Variants in PPTC7 observed in about 807,000 individuals in gnomAD.
The protein encoded by PPTC7 is protein phosphatase targeting COQ7.
A neutral mutation model predicts 30.8 loss-of-function variants in PPTC7; 6 were observed. That is an observed-to-expected ratio of 0.19 (90% CI 0.11 to 0.38). The LOEUF is 0.38. PPTC7 is among the 10% of genes least tolerant of loss of function. PPTC7 has a pLI of 1.00. For synonymous variants in PPTC7, 163 were observed against 168.1 expected (o/e 0.97, Z 0.23); for missense variants, 218 against 404.8 (o/e 0.54, Z 3.96).
intron 1 of PPTC7, among the ~76,000 whole-genome samples, chr12:110,575,698 C>CA (rs1230307187): frequency 7.3e-6 from 1 of 136,324 alleles, no homozygotes; most frequent in Non-Finnish European, 1.6e-5. Flanking sequence ...CCTTAATAAA[C>CA]AGTTATGCTT....
In PPTC7 at chr12:110,541,112, T is replaced by C. The variant is rs530250637; in HGVS notation, c.603-1167A>G. 1.1e-4 allele frequency among the ~76,000 whole-genome samples: 16 copies of C among 149,638 alleles called. No homozygotes were observed. In the South Asian group the frequency reaches 3.6e-3, roughly 34 times the overall value. ...AGAATTCATTCACTGCTGGGTGTGGTGGCTCACGCCTGTAATCCCAGCACT... is the reference window on the plus strand; with the variant it reads ...AGAATTCATTCACTGCTGGGTGTGGCGGCTCACGCCTGTAATCCCAGCACT... On this transcript the variant is annotated intron_variant, in intron 3 of 5. Transcript: ENST00000354300.
chr12:110,542,812 G>GA lies in PPTC7; in HGVS notation c.603-2868dup, dbSNP rs559154122. ...CTAAACTTTTTTGTGTACAACTCTT[G>GA]AAAAAAAAAACAGATGGAAGATCTT... On this transcript the variant is annotated intron_variant, in intron 3 of 5. Coordinates refer to ENST00000354300, the MANE Select transcript of PPTC7 (RefSeq NM_139283.2). Among the ~76,000 whole-genome samples the GA allele has an allele frequency of 2.6e-3, 386 of 145,898 alleles. 3 individuals carry two copies. Among genetic ancestry groups the GA allele is most frequent in the Admixed American group, 0.011 (162 of 14,580 alleles).
intron 1 of PPTC7, among the ~76,000 whole-genome samples, chr12:110,580,030 CAA>C (rs879309557): frequency 6.6e-5 from 9 of 135,852 alleles, no homozygotes; most frequent in Admixed American, 7.4e-5. Flanking sequence ...CCCCACCCAC[CAA>C]AAAAAAAAAA....
At chr12:110,570,072 G>A (rs1007440745) in intron 1 of PPTC7, among the ~76,000 whole-genome samples, 2 of 152,098 alleles carry the variant, frequency 1.3e-5, no homozygotes, top group African/African-American at 4.8e-5. Context: ...GATTGTTACT[G>A]TGTCTGTGTA....
At chr12:110,577,226 A>C (rs1325322267) in intron 1 of PPTC7, among the ~76,000 whole-genome samples, 10 of 151,424 alleles carry the variant, frequency 6.6e-5, no homozygotes, top group Admixed American at 2.6e-4. Context: ...CAGGTAGATG[A>C]TGCTGGAATC....
At chr12:110,540,064 A>G in intron 3 of PPTC7, 119 bp from the exon 4 acceptor site, 1 of 816,674 alleles carries the variant, frequency 1.2e-6, no homozygotes, top group Non-Finnish European at 1.7e-6. Flanking sequence ...CTGATTTATC[A>G]TAATGGAGTC....
chr12:110,549,526 GA>G (rs1593149234), intron 2 of PPTC7, among the ~76,000 whole-genome samples: 2 of 150,516 alleles, frequency 1.3e-5, no homozygotes, highest in African/African-American at 2.5e-5. Context: ...TAGATTTTGT[GA>G]AAAAAAGGTG....
chr12:110,552,177 T>C (rs2064353955), intron 1 of PPTC7, among the ~76,000 whole-genome samples: 1 of 152,214 alleles, frequency 6.6e-6, no homozygotes, highest in Admixed American at 6.5e-5. Flanking sequence ...CTTTCATATA[T>C]TGATGAATAA....
At chr12:110,581,137 C>A (rs2064633818) in intron 1 of PPTC7, among the ~76,000 whole-genome samples, 1 of 152,102 alleles carries the variant, frequency 6.6e-6, no homozygotes, top group Non-Finnish European at 1.5e-5. Flanking sequence ...AACACAGGGG[C>A]CAGGCTCACA....
chr12:110,564,788 G>A (rs1045681664), intron 1 of PPTC7, among the ~76,000 whole-genome samples: 3 of 136,230 alleles, frequency 2.2e-5, no homozygotes, highest in African/African-American at 6.0e-5. Context: ...ATACATACAC[G>A]TTATATATAT....
Position 110,582,795 on chromosome 12 carries a change from G to C in PPTC7, c.223+14C>G. On this transcript the variant is annotated intron_variant, in intron 1 of 5. Transcript: ENST00000354300. ...ATCCGAGGCTGGGGCAAGGGAACCG[G>C]GTCGGGGACTCACCGAGCACGTCCG... 1 of 1,548,760 alleles carries C rather than the reference G, an allele frequency of 6.5e-7. No homozygotes were observed. The highest frequency in any genetic ancestry group is 8.7e-7 in the Non-Finnish European group (1 of 1,146,568).
intron 2 of PPTC7, among the ~76,000 whole-genome samples, chr12:110,548,406 G>A (rs745469437): frequency 1.3e-5 from 2 of 152,060 alleles, no homozygotes; most frequent in South Asian, 2.1e-4. Context: ...CAGTATATGC[G>A]TTAGTACTAA....
Position 110,582,876 on chromosome 12 carries a change from G to T in PPTC7, c.156C>A (p.Leu52=). 1.3e-6 allele frequency: 2 copies of T among 1,557,386 alleles called. No homozygotes were observed. Among genetic ancestry groups the T allele is most frequent in the Non-Finnish European group, 1.7e-6 (2 of 1,150,668 alleles). Residue 52 remains leucine (L), a synonymous_variant, in exon 1 of 6, where the codon CTC becomes CTA. Coordinates refer to ENST00000354300, the MANE Select transcript of PPTC7 (RefSeq NM_139283.2). ...CGTCCCCGTAGCACGCGCCCTTCTT[G>T]AGGAGGCCCTTACGGAAGTCCTTCC... ...GFGKDFRKGL[L]KKGACYGDDA... is the part of the protein sequence containing the mutation.
intron 1 of PPTC7, among the ~76,000 whole-genome samples, chr12:110,558,992 G>C (rs571976012): frequency 8.2e-4 from 125 of 152,136 alleles, no homozygotes; most frequent in African/African-American, 3.0e-3. Flanking sequence ...TTTTTACAAA[G>C]TATTTTATTA....
At chr12:110,539,408 T>C (rs1188909750) in intron 4 of PPTC7, among the ~76,000 whole-genome samples, 1 of 152,174 alleles carries the variant, frequency 6.6e-6, no homozygotes, top group Non-Finnish European at 1.5e-5. Flanking sequence ...ACCCATACTA[T>C]TTGGTTACTG....
intron 3 of PPTC7, among the ~76,000 whole-genome samples, chr12:110,544,263 C>T (rs868246256): frequency 5.9e-5 from 9 of 152,168 alleles, no homozygotes; most frequent in African/African-American, 1.9e-4. Context: ...ATAACATGCT[C>T]GTTCCAGTTT....
chr12:110,542,878 G>A (rs2064273025), intron 3 of PPTC7, among the ~76,000 whole-genome samples: 1 of 151,950 alleles, frequency 6.6e-6, no homozygotes, highest in Admixed American at 6.6e-5. Flanking sequence ...ATAAAAATGG[G>A]GGAAAACCCC....
At chr12:110,575,143 A>T (rs562108965) in intron 1 of PPTC7, among the ~76,000 whole-genome samples, 1 of 152,038 alleles carries the variant, frequency 6.6e-6, no homozygotes, top group Admixed American at 6.6e-5. Flanking sequence ...AGACTCATAA[A>T]TTTTATTACT....
Position 110,534,196 on chromosome 12 carries a change from C to T in PPTC7, c.*2841G>A, listed in dbSNP as rs1053551825. On this transcript the variant is annotated 3_prime_UTR_variant, in exon 6 of 6. Transcript: ENST00000354300. ...AAGGTTCTGATATGTTTAGAGTGCACATTTTAAAACAACAAAATAAAAATT... is the reference window on the plus strand; with the variant it reads ...AAGGTTCTGATATGTTTAGAGTGCATATTTTAAAACAACAAAATAAAAATT... 2.6e-5 allele frequency: 4 copies of T among 151,366 alleles called. No homozygotes were observed. The highest frequency in any genetic ancestry group is 2.9e-5 in the Non-Finnish European group (2 of 67,900). The allele number at this position is 151,366 out of a possible 1,614,324, so 9.4% of individuals were successfully genotyped here. A position where few individuals can be genotyped will look rare whatever the true frequency, so the allele number is the denominator to read the frequency against.
Sources: gnomAD v4.1 joint callset for allele counts (sites outside exome capture counted in the v4.1 genomes callset) on GRCh38, gnomAD v4.1.1 for gene constraint, MANE v1.5 for transcripts, NCBI Gene and HGNC (gene_info 2026-07-23, HGNC 2026-07-21) for gene names.